The following BLOC1S2 variants were observed in gnomAD, a reference collection of about 807,000 sequenced individuals.
BLOC1S2 encodes the protein biogenesis of lysosomal organelles complex 1 subunit 2.
A neutral mutation model predicts 19.6 loss-of-function variants in BLOC1S2; 12 were observed. The ratio of observed to expected loss-of-function variants is 0.61; its 90% CI spans 0.39 to 0.99. BLOC1S2 has a LOEUF of 0.99. BLOC1S2 is among the 50% of genes least tolerant of loss of function. The probability of loss-of-function intolerance (pLI) is 0.00; values close to 1 mark genes in which losing one functional copy is unlikely to be tolerated. For missense variants in BLOC1S2, 142 were observed against 171.0 expected, an observed-to-expected ratio of 0.83 and a Z score of 0.95; for synonymous variants, 66 against 64.1, an observed-to-expected ratio of 1.03 and a Z score of -0.14.
chr10:100,283,271 T>C (rs1406418267), intron 2 of BLOC1S2, among the ~76,000 whole-genome samples: 1 of 152,230 alleles, frequency 6.6e-6, no homozygotes, highest in Admixed American at 6.5e-5. Context: ...ACCACCACTC[T>C]GCCTCAGATC....
intron 4 of BLOC1S2, among the ~76,000 whole-genome samples, chr10:100,278,287 A>C (rs1847997458): frequency 6.6e-6 from 1 of 151,558 alleles, no homozygotes; most frequent in Non-Finnish European, 1.5e-5. Flanking sequence ...CCCTACTGGG[A>C]AGTGAGGAGC....
chr10:100,280,116 A>C lies in BLOC1S2; in HGVS notation c.397+8T>G, dbSNP rs568162653. 4 of 1,608,478 alleles carry C rather than the reference A, an allele frequency of 2.5e-6. No individual in the cohort carries two copies. In the African/African-American group the frequency reaches 5.4e-5, roughly 22 times the overall value. ...TTATTACATCAAAACAGAAGTAAAA[A>C]CGGTTACCCAGTTTTTTTGAATATG... is the stretch of plus-strand genomic sequence containing the variant. On this transcript the variant is annotated splice_region_variant and intron_variant, in intron 4 of 4. Coordinates refer to ENST00000370372, the MANE Select transcript of BLOC1S2 (RefSeq NM_173809.5).
chr10:100,283,882 A>ACT, intron 2 of BLOC1S2, among the ~76,000 whole-genome samples: 1 of 152,304 alleles, frequency 6.6e-6, no homozygotes, highest in Middle Eastern at 3.4e-3. Context: ...GTCTAAATAA[A>ACT]ATAAAATAAA....
At chr10:100,282,377 T>A (rs1405123637) in intron 2 of BLOC1S2, among the ~76,000 whole-genome samples, 1 of 152,218 alleles carries the variant, frequency 6.6e-6, no homozygotes, top group African/African-American at 2.4e-5. Flanking sequence ...AGAGATTACA[T>A]GCTCCAAAGT....
chr10:100,282,788 T>A (rs1848140457), intron 2 of BLOC1S2: 2 of 397,054 alleles, frequency 5.0e-6, no homozygotes, highest in Non-Finnish European at 4.4e-6. Flanking sequence ...AATAACAATT[T>A]GCTTAAAATT....
At chr10:100,282,248 G>A (rs1286004301) in intron 2 of BLOC1S2, among the ~76,000 whole-genome samples, 1 of 152,186 alleles carries the variant, frequency 6.6e-6, no homozygotes, top group Non-Finnish European at 1.5e-5. Flanking sequence ...CATTTGCTCA[G>A]TAAAGCAAAG....
Position 100,277,544 on chromosome 10 carries a change from G to A in BLOC1S2, c.398-2051C>T, listed in dbSNP as rs1214213888. 2.3e-4 allele frequency among the ~76,000 whole-genome samples: 27 copies of A among 119,568 alleles called. 1 individual carries two copies. Among genetic ancestry groups the A allele is most frequent in the Non-Finnish European group, 1.1e-4 (6 of 55,494 alleles). 78.4% of individuals were successfully genotyped at this position (119,568 alleles called of 152,430 possible). Reference sequence around the variant, plus strand: ...CCCCGCCTGGCCAGCTGTCCCGTCCGGGAGGGAGGTGGGGGGGTCAGCCCC... The same window carrying A: ...CCCCGCCTGGCCAGCTGTCCCGTCCAGGAGGGAGGTGGGGGGGTCAGCCCC... On this transcript the variant is annotated intron_variant, in intron 4 of 4. Transcript: ENST00000370372.
intron 4 of BLOC1S2, among the ~76,000 whole-genome samples, chr10:100,279,773 G>A (rs1005180216): frequency 3.3e-5 from 5 of 152,162 alleles, no homozygotes; most frequent in Non-Finnish European, 7.3e-5. Context: ...TACTCGGGGG[G>A]CTGAGGCAGG....
chr10:100,278,412 A>C (rs1323972145), intron 4 of BLOC1S2, among the ~76,000 whole-genome samples: 2 of 152,242 alleles, frequency 1.3e-5, no homozygotes, highest in African/African-American at 4.8e-5. Flanking sequence ...TGGGGAAAAG[A>C]TTGAGAAATC....
At chr10:100,283,737 T>C (rs1848167629) in intron 2 of BLOC1S2, among the ~76,000 whole-genome samples, 3 of 151,900 alleles carry the variant, frequency 2.0e-5, no homozygotes, top group Admixed American at 2.0e-4. Context: ...TAGCCAGGCG[T>C]GGTGGCGTGT....
chr10:100,277,316 C>G (rs1359852961), intron 4 of BLOC1S2, among the ~76,000 whole-genome samples: 1 of 151,662 alleles, frequency 6.6e-6, no homozygotes, highest in Non-Finnish European at 1.5e-5. Context: ...GCAGCCACCC[C>G]GGCCGGGAGG....
Position 100,280,236 on chromosome 10 carries a change from A to T in BLOC1S2, c.293-8T>A, listed in dbSNP as rs755362779. ...AAGGCTGCAGTCCAGCATCTTTAAA[A>T]ACAAAGAAAAACTTCATGTTTATAT... On this transcript the variant is annotated splice_polypyrimidine_tract_variant and splice_region_variant and intron_variant, in intron 3 of 4. Transcript: ENST00000370372. 6.3e-7 allele frequency: 1 copy of T among 1,586,256 alleles called. No individual in the cohort carries two copies. Among genetic ancestry groups the T allele is most frequent in the Non-Finnish European group, 8.6e-7 (1 of 1,166,692 alleles).
At chr10:100,276,288 GCCCGTCTCCCTCTCCATCTCCCTCT>G (rs1847845987) in intron 4 of BLOC1S2, among the ~76,000 whole-genome samples, 1 of 140,422 alleles carries the variant, frequency 7.1e-6, no homozygotes, top group Admixed American at 7.3e-5. Flanking sequence ...ACAAACTCAG[GCCCGTCTCCCTCTCCATCTCCCTCT>G]CCCGTCTCCC....
intron 4 of BLOC1S2, among the ~76,000 whole-genome samples, chr10:100,277,735 G>A (rs1305039224): frequency 5.4e-5 from 7 of 130,666 alleles, no homozygotes; most frequent in East Asian, 5.0e-4. Flanking sequence ...CCGGCCAGCC[G>A]CCCCGTCCGG....
In BLOC1S2 at chr10:100,275,341, T is replaced by C. The variant is rs1847824292; in HGVS notation, c.*121A>G. ...TTACTCGAACGTTGAGATGTTCCTG[T>C]GATGACCAGCATAATTTCCTTTTGA... On this transcript the variant is annotated 3_prime_UTR_variant, in exon 5 of 5. Coordinates refer to ENST00000370372, the MANE Select transcript of BLOC1S2 (RefSeq NM_173809.5). 1.9e-6 allele frequency: 2 copies of C among 1,029,548 alleles called. No homozygotes were observed. The highest frequency in any genetic ancestry group is 4.3e-5 in the Admixed American group (2 of 46,118). The allele number at this position is 1,029,548 out of a possible 1,614,324, so 63.8% of individuals were successfully genotyped here. A position where few individuals can be genotyped will look rare whatever the true frequency, so the allele number is the denominator to read the frequency against.
At chr10:100,277,972 C>A (rs1847971183) in intron 4 of BLOC1S2, among the ~76,000 whole-genome samples, 1 of 108,586 alleles carries the variant, frequency 9.2e-6, no homozygotes, top group Non-Finnish European at 1.9e-5. Context: ...GTGAGGAGCC[C>A]CTCTGCCCGG....
intron 2 of BLOC1S2, chr10:100,282,892 C>T: frequency 5.0e-6 from 2 of 398,592 alleles, no homozygotes; most frequent in Middle Eastern, 6.3e-4. Context: ...ACATTTTAGC[C>T]TAGGCTCTCT....
At chr10:100,279,049 T>A (rs116631212) in intron 4 of BLOC1S2, among the ~76,000 whole-genome samples, 1 of 151,772 alleles carries the variant, frequency 6.6e-6, no homozygotes, top group Admixed American at 6.6e-5. Flanking sequence ...ATCACGTCAT[T>A]GCACCCTAGC....
chr10:100,283,186 T>C (rs941585474), intron 2 of BLOC1S2, among the ~76,000 whole-genome samples: 1 of 152,232 alleles, frequency 6.6e-6, no homozygotes, highest in African/African-American at 2.4e-5. Context: ...CATCCCTCAA[T>C]ATCTACTTAA....
Sources: allele counts gnomAD v4.1 joint callset (sites outside exome capture counted in the v4.1 genomes callset), GRCh38; gene constraint gnomAD v4.1.1; transcripts MANE v1.5; gene names NCBI Gene and HGNC (gene_info 2026-07-23, HGNC 2026-07-21).